Variants in DOCK3 observed in about 807,000 individuals in gnomAD.
The protein encoded by DOCK3 is dedicator of cytokinesis protein 3.
In DOCK3, 60 loss-of-function variants were observed where a neutral mutation model predicts 265.6. That is an observed-to-expected ratio of 0.23 (90% CI 0.18 to 0.28). The LOEUF is 0.28. DOCK3 is among the 10% of genes least tolerant of loss of function. The pLI, the probability that DOCK3 is intolerant of heterozygous loss-of-function variation, is 1.00. For missense variants in DOCK3, 1,981 were observed against 2,594.3 expected (o/e 0.76, Z 5.14); for synonymous variants, 881 against 938.0 (o/e 0.94, Z 1.11).
rs946445941 is a variant in DOCK3, at chr3:50,806,803, A to G, written c.121+28045A>G. On this transcript the variant is annotated intron_variant, in intron 2 of 52. Coordinates refer to ENST00000266037, the MANE Select transcript of DOCK3 (RefSeq NM_004947.5). ...CATTCCAGAGGTGGCTCTAGTCTCA[A>G]GATGGTGTCTTGCTGCAATAGCTTG... Among the ~76,000 whole-genome samples the G allele has an allele frequency of 1.3e-4, 20 of 152,064 alleles. 1 individual carries two copies. The highest frequency in any genetic ancestry group is 4.3e-4 in the African/African-American group (18 of 41,402).
chr3:51,173,650 T>C (rs977815694), intron 12 of DOCK3, among the ~76,000 whole-genome samples: 1 of 152,230 alleles, frequency 6.6e-6, no homozygotes. Flanking sequence ...TACCACTTTC[T>C]TGTTTGCAAG....
intron 4 of DOCK3, among the ~76,000 whole-genome samples, chr3:50,914,099 T>C (rs2049998266): frequency 6.6e-6 from 1 of 151,836 alleles, no homozygotes; most frequent in African/African-American, 2.4e-5. Context: ...TTTTTCATGG[T>C]TAGTATAGGT....
chr3:51,344,134 T>G (rs533631221), intron 38 of DOCK3, among the ~76,000 whole-genome samples: 3 of 152,170 alleles, frequency 2.0e-5, no homozygotes, highest in African/African-American at 7.2e-5. Flanking sequence ...GGGCTTGGGC[T>G]CTCCTGCTTG....
At chr3:51,117,631 T>C (rs1419136074) in intron 9 of DOCK3, among the ~76,000 whole-genome samples, 1 of 152,174 alleles carries the variant, frequency 6.6e-6, no homozygotes, top group Non-Finnish European at 1.5e-5. Context: ...AATTACTGCC[T>C]CCATTTCAGA....
At position 51,350,369 on chromosome 3, in the gene DOCK3, A is replaced by G; in HGVS notation, c.4084A>G (p.Arg1362Gly). The G allele has an allele frequency of 6.2e-7, 1 of 1,612,666 alleles. No individual in the cohort carries two copies. The highest frequency in any genetic ancestry group is 8.5e-7 in the Non-Finnish European group (1 of 1,179,600). ...GTTCTTTCGGGTCGGCTTCTATGGC[A>G]GGAAGTTTCCTTTCTTTCTTCGGGT... is the stretch of plus-strand genomic sequence containing the variant. ...PEFFRVGFYGRKFPFFLRNKE... is the reference protein window; with the variant it reads ...PEFFRVGFYGGKFPFFLRNKE... Residue 1362 changes from arginine to glycine, a missense_variant, in exon 40 of 53, where the codon AGG becomes GGG. Physicochemically the swap from Arg to Gly is moderately radical, Grantham distance 125. Transcript: ENST00000266037.
intron 2 of DOCK3, among the ~76,000 whole-genome samples, chr3:50,799,985 T>A (rs1280228307): frequency 6.6e-6 from 1 of 152,236 alleles, no homozygotes; most frequent in Non-Finnish European, 1.5e-5. Flanking sequence ...TTTATTGATA[T>A]GATGTATGAT....
chr3:50,768,663 A>G (rs1197391211), intron 1 of DOCK3, among the ~76,000 whole-genome samples: 1 of 152,238 alleles, frequency 6.6e-6, no homozygotes, highest in Non-Finnish European at 1.5e-5. Context: ...CCATTAATGG[A>G]CACTTATATT....
chr3:51,035,598 G>A (rs1300059617), intron 5 of DOCK3, among the ~76,000 whole-genome samples: 1 of 152,082 alleles, frequency 6.6e-6, no homozygotes, highest in African/African-American at 2.4e-5. Flanking sequence ...CTCTGAGTCT[G>A]GGTAAGCTTT....
intron 24 of DOCK3, 45 bp from the exon 25 acceptor site, chr3:51,275,034 A>G: frequency 6.2e-7 from 1 of 1,612,822 alleles, no homozygotes; most frequent in Non-Finnish European, 8.5e-7. Flanking sequence ...TGCAGTAGCT[A>G]GTTCTCCTCT....
At chr3:51,321,703 T>C (rs1177533205) in intron 32 of DOCK3, among the ~76,000 whole-genome samples, 1 of 151,886 alleles carries the variant, frequency 6.6e-6, no homozygotes, top group Non-Finnish European at 1.5e-5. Context: ...AATAGCCAAA[T>C]TGATCAAGCG....
chr3:50,939,436 A>G (rs2051574932), intron 5 of DOCK3, among the ~76,000 whole-genome samples: 1 of 152,120 alleles, frequency 6.6e-6, no homozygotes, highest in Non-Finnish European at 1.5e-5. Flanking sequence ...AAAAAGAAAA[A>G]AATCTGGAGT....
intron 35 of DOCK3, among the ~76,000 whole-genome samples, chr3:51,334,891 C>A (rs984121144): frequency 6.6e-6 from 1 of 152,194 alleles, no homozygotes; most frequent in African/African-American, 2.4e-5. Context: ...AAAGCAACTT[C>A]ATTCTCTATT....
intron 2 of DOCK3, among the ~76,000 whole-genome samples, chr3:50,801,438 G>T (rs746864598): frequency 3.9e-5 from 6 of 152,082 alleles, no homozygotes; most frequent in Non-Finnish European, 5.9e-5. Context: ...GGTGGAGCAG[G>T]TAATTGGAAG....
chr3:51,336,195 A>C (rs945806877), intron 35 of DOCK3, among the ~76,000 whole-genome samples: 2 of 152,184 alleles, frequency 1.3e-5, no homozygotes, highest in Non-Finnish European at 2.9e-5. Flanking sequence ...AACTTTAGGT[A>C]CTCAGAGGAA....
chr3:50,893,925 A>G (rs867836427), intron 4 of DOCK3, among the ~76,000 whole-genome samples: 3 of 142,870 alleles, frequency 2.1e-5, no homozygotes, highest in African/African-American at 5.2e-5. Context: ...CTGAATAATG[A>G]GAACATTGGG....
chr3:51,020,560 A>C (rs1429734620), intron 5 of DOCK3, among the ~76,000 whole-genome samples: 1 of 151,636 alleles, frequency 6.6e-6, no homozygotes, highest in East Asian at 1.9e-4. Context: ...TGTATCCTGG[A>C]TGTTATTGCC....
chr3:51,213,294 T>A (rs6809080), intron 13 of DOCK3, among the ~76,000 whole-genome samples: 138,733 of 152,112 alleles, frequency 0.91, 63,410 homozygotes, highest in African/African-American at 0.96. Flanking sequence ...TAACAGCTAA[T>A]CCCATTCACA....
chr3:50,877,093 C>G (rs1221115668), intron 3 of DOCK3: 1 of 244,272 alleles, frequency 4.1e-6, no homozygotes, highest in Non-Finnish European at 8.1e-6. Context: ...TTCATTGCAT[C>G]CAGGCATTTC....
At chr3:50,824,404 C>G (rs1432222614) in intron 2 of DOCK3, among the ~76,000 whole-genome samples, 1 of 152,122 alleles carries the variant, frequency 6.6e-6, no homozygotes. Flanking sequence ...ACTCCTGGGT[C>G]TTGAAGATAG....
Sources: allele counts gnomAD v4.1 joint callset (sites outside exome capture counted in the v4.1 genomes callset), GRCh38; gene constraint gnomAD v4.1.1; transcripts MANE v1.5; gene names NCBI Gene and HGNC (gene_info 2026-07-23, HGNC 2026-07-21).